Variants in CAMKMT observed in about 807,000 individuals in gnomAD.
CAMKMT encodes the protein CaM KMT.
A neutral mutation model predicts 48.0 loss-of-function variants in CAMKMT; 53 were observed. That is an observed-to-expected ratio of 1.10 (90% CI 0.89 to 1.39). CAMKMT has a LOEUF of 1.39. Ranked by LOEUF, CAMKMT falls within the 40% of genes most tolerant of loss-of-function variation. CAMKMT has a pLI of 0.00. For synonymous variants in CAMKMT, 165 were observed against 152.3 expected (o/e 1.08, Z -0.61); for missense variants, 428 against 402.7 (o/e 1.06, Z -0.54).
chr2:44,623,613 T>G (rs1313116704), intron 3 of CAMKMT, among the ~76,000 whole-genome samples: 4 of 152,212 alleles, frequency 2.6e-5, no homozygotes, highest in Non-Finnish European at 5.9e-5. Context: ...TTTTGTCAAC[T>G]TTGTTGAAAA....
intron 3 of CAMKMT, among the ~76,000 whole-genome samples, chr2:44,505,128 C>A (rs1387082166): frequency 2.6e-5 from 4 of 152,154 alleles, no homozygotes; most frequent in Non-Finnish European, 4.4e-5. Flanking sequence ...CCCTGTGAAC[C>A]AAACACCTCA....
intron 9 of CAMKMT, among the ~76,000 whole-genome samples, chr2:44,758,826 G>A (rs550739259): frequency 6.6e-6 from 1 of 152,162 alleles, no homozygotes; most frequent in Admixed American, 6.5e-5. Flanking sequence ...TTGAACTTTC[G>A]TCCAGAAATG....
rs183344583 is a variant in CAMKMT, at chr2:44,563,838, G to T, written c.377-140445G>T. On this transcript the variant is annotated intron_variant, in intron 3 of 10. Transcript: ENST00000378494. ...TTTTATGGCTGCATAGTATTCCGTG[G>T]TGTATATGTGCCACATTTTCTTAAT... Among the ~76,000 whole-genome samples the T allele has an allele frequency of 3.9e-5, 6 of 152,298 alleles. No homozygotes were observed. In the East Asian group the frequency reaches 1.2e-3, roughly 29 times the overall value.
intron 7 of CAMKMT, among the ~76,000 whole-genome samples, chr2:44,717,139 T>C (rs764865591): frequency 1.3e-5 from 2 of 152,160 alleles, no homozygotes; most frequent in African/African-American, 2.4e-5. Context: ...TATTTTTCTG[T>C]TCTCAAAAAT....
intron 3 of CAMKMT, among the ~76,000 whole-genome samples, chr2:44,504,569 TCTTA>T: frequency 6.6e-6 from 1 of 152,304 alleles, no homozygotes; most frequent in African/African-American, 2.4e-5. Flanking sequence ...TTCCTATGCC[TCTTA>T]CAAGGGCAGA....
Position 44,378,491 on chromosome 2 carries a change from T to A in CAMKMT, c.311+5603T>A, listed in dbSNP as rs1459668574. 1.1e-3 allele frequency among the ~76,000 whole-genome samples: 163 copies of A among 152,074 alleles called. 1 individual carries two copies. The highest frequency in any genetic ancestry group is 3.7e-3 in the African/African-American group (153 of 41,520). ...AATTAAGTTTGTTTGTTTGTTTGTT[T>A]GTTTGTTTGTTTGTTTGTTTTGAGA... On this transcript the variant is annotated intron_variant, in intron 2 of 10. Transcript: ENST00000378494.
chr2:44,558,017 A>G (rs545390086), intron 3 of CAMKMT, among the ~76,000 whole-genome samples: 2 of 151,716 alleles, frequency 1.3e-5, no homozygotes, highest in African/African-American at 4.9e-5. Context: ...TACTATTGTG[A>G]GTTTTATTTA....
intron 3 of CAMKMT, among the ~76,000 whole-genome samples, chr2:44,577,047 A>G (rs541792673): frequency 1.3e-5 from 2 of 152,328 alleles, no homozygotes; most frequent in African/African-American, 4.8e-5. Context: ...AATCTGCACT[A>G]TCTTCTGTAA....
chr2:44,544,128 G>T (rs966492417), intron 3 of CAMKMT, among the ~76,000 whole-genome samples: 1 of 151,894 alleles, frequency 6.6e-6, no homozygotes, highest in Non-Finnish European at 1.5e-5. Flanking sequence ...AGGAGTATGA[G>T]AAAAACATTT....
At chr2:44,725,970 G>T (rs1197785656) in intron 7 of CAMKMT, among the ~76,000 whole-genome samples, 1 of 152,138 alleles carries the variant, frequency 6.6e-6, no homozygotes, top group Non-Finnish European at 1.5e-5. Flanking sequence ...GTATCTGATA[G>T]GTAGTTTTTT....
intron 3 of CAMKMT, among the ~76,000 whole-genome samples, chr2:44,701,095 T>G (rs1049773670): frequency 6.6e-6 from 1 of 152,348 alleles, no homozygotes. Context: ...AATGCTGCTA[T>G]GAGCATTCGT....
At chr2:44,573,244 T>C (rs1669023433) in intron 3 of CAMKMT, among the ~76,000 whole-genome samples, 1 of 152,210 alleles carries the variant, frequency 6.6e-6, no homozygotes, top group African/African-American at 2.4e-5. Flanking sequence ...TTTGGAGATA[T>C]GTCTATCCAA....
intron 3 of CAMKMT, among the ~76,000 whole-genome samples, chr2:44,540,741 A>G (rs1409357027): frequency 6.6e-6 from 1 of 152,186 alleles, no homozygotes; most frequent in East Asian, 1.9e-4. Flanking sequence ...ACACAGCAAG[A>G]CCCTATCTCA....
At chr2:44,537,699 T>C (rs536966849) in intron 3 of CAMKMT, among the ~76,000 whole-genome samples, 1 of 152,232 alleles carries the variant, frequency 6.6e-6, no homozygotes, top group African/African-American at 2.4e-5. Flanking sequence ...AAGTAGCTGG[T>C]ACTACGGGCA....
At chr2:44,709,815 G>A (rs1443321770) in intron 6 of CAMKMT, among the ~76,000 whole-genome samples, 2 of 151,936 alleles carry the variant, frequency 1.3e-5, no homozygotes, top group Non-Finnish European at 2.9e-5. Flanking sequence ...AGTAAAAGTG[G>A]ATGTCAACAA....
intron 3 of CAMKMT, among the ~76,000 whole-genome samples, chr2:44,655,721 C>A (rs1674342862): frequency 6.6e-6 from 1 of 152,022 alleles, no homozygotes. Flanking sequence ...CAGAGCTATC[C>A]AATTAGAAAA....
chr2:44,694,372 G>A (rs1380764031), intron 3 of CAMKMT, among the ~76,000 whole-genome samples: 3 of 152,074 alleles, frequency 2.0e-5, no homozygotes, highest in East Asian at 3.9e-4. Context: ...CCAGGAGTTC[G>A]AGACCAGCCT....
intron 1 of CAMKMT, among the ~76,000 whole-genome samples, chr2:44,372,374 G>C (rs932130223): frequency 4.6e-5 from 7 of 151,806 alleles, no homozygotes; most frequent in African/African-American, 9.7e-5. Flanking sequence ...AGTTCCAGCT[G>C]CTAGGGAGCC....
rs532893472 is a variant in CAMKMT, at chr2:44,605,520, A to G, written c.377-98763A>G. Among the ~76,000 whole-genome samples, 11 of 152,308 alleles carry G rather than the reference A, an allele frequency of 7.2e-5. 1 individual carries two copies. The South Asian group carries it at 2.3e-3, about 32-fold the overall frequency. ...CACACAGGTATATCATCACACATAC[A>G]TAAAGTAATGAGAATAACTCAGAGT... On this transcript the variant is annotated intron_variant, in intron 3 of 10. Transcript: ENST00000378494.
Sources: allele counts gnomAD v4.1 joint callset (sites outside exome capture counted in the v4.1 genomes callset), GRCh38; gene constraint gnomAD v4.1.1; transcripts MANE v1.5; gene names NCBI Gene and HGNC (gene_info 2026-07-23, HGNC 2026-07-21).